ADK: variants seen among roughly 807,000 people sequenced by gnomAD.
The protein encoded by ADK is N6,N6-dimethyladenosine kinase.
A neutral mutation model predicts 44.7 loss-of-function variants in ADK; 24 were observed. The observed-to-expected ratio is 0.54, with a 90% CI of 0.39 to 0.76. The LOEUF is 0.76. Ranked by LOEUF, ADK falls within the 30% of genes least tolerant of loss-of-function variation. The pLI is 0.00. For missense variants in ADK, 321 were observed against 425.1 expected (o/e 0.76, Z 2.15); for synonymous variants, 128 against 142.6 (o/e 0.90, Z 0.73).
At chr10:74,477,898 T>G (rs1305860047) in intron 6 of ADK, among the ~76,000 whole-genome samples, 1 of 152,196 alleles carries the variant, frequency 6.6e-6, no homozygotes, top group Non-Finnish European at 1.5e-5. Context: ...TTTGCTGAGG[T>G]TTGTTCTGGT....
At chr10:74,512,739 AT>A (rs55652334) in intron 6 of ADK, among the ~76,000 whole-genome samples, 151,326 of 151,352 alleles carry the variant, frequency 1, 75,650 homozygotes, top group Middle Eastern at 1. Flanking sequence ...GATCTTTTGT[AT>A]TTTTTTTGTC....
intron 3 of ADK, among the ~76,000 whole-genome samples, chr10:74,294,436 G>A (rs150449670): frequency 0.012 from 1,808 of 152,162 alleles, 42 homozygotes; most frequent in African/African-American, 0.041. Flanking sequence ...ACAGGCACAC[G>A]CCACCATGCC....
At chr10:74,665,034 T>C (rs1402030788) in intron 9 of ADK, among the ~76,000 whole-genome samples, 2 of 152,112 alleles carry the variant, frequency 1.3e-5, no homozygotes, top group Non-Finnish European at 2.9e-5. Context: ...CACACTGAAG[T>C]ATTAAGGGGT....
At chr10:74,434,625 T>C (rs1845119786) in intron 6 of ADK, among the ~76,000 whole-genome samples, 1 of 152,204 alleles carries the variant, frequency 6.6e-6, no homozygotes, top group Non-Finnish European at 1.5e-5. Context: ...TTATAAAGGT[T>C]AAAGCAGAGG....
intron 10 of ADK, among the ~76,000 whole-genome samples, chr10:74,689,436 T>G (rs1402925138): frequency 6.6e-6 from 1 of 152,170 alleles, no homozygotes; most frequent in African/African-American, 2.4e-5. Flanking sequence ...GGCAGTAACA[T>G]ACAGGTCAGA....
At chr10:74,595,418 C>T (rs1411628673) in intron 8 of ADK, among the ~76,000 whole-genome samples, 6 of 22 alleles carry the variant, frequency 0.27, no homozygotes, top group African/African-American at 0.43. Flanking sequence ...CTTTGTCACG[C>T]CAGGCTGGAG....
intron 1 of ADK, among the ~76,000 whole-genome samples, chr10:74,185,094 A>G (rs890508343): frequency 3.3e-5 from 5 of 152,262 alleles, no homozygotes; most frequent in Admixed American, 2.0e-4. Context: ...AAGATATTAA[A>G]GAGGTGACAT....
chr10:74,460,678 A>G (rs553484592), intron 6 of ADK, among the ~76,000 whole-genome samples: 99 of 152,270 alleles, frequency 6.5e-4, no homozygotes, highest in African/African-American at 2.1e-3. Flanking sequence ...TAAATACTGC[A>G]TTTAACTGTA....
At chr10:74,656,955 A>G (rs1002892782) in intron 9 of ADK, among the ~76,000 whole-genome samples, 2 of 151,464 alleles carry the variant, frequency 1.3e-5, no homozygotes, top group African/African-American at 2.4e-5. Context: ...GAATTCCTGG[A>G]CTCAAAGGAT....
intron 7 of ADK, among the ~76,000 whole-genome samples, chr10:74,527,111 C>A (rs1160529518): frequency 3.3e-5 from 5 of 152,252 alleles, no homozygotes; most frequent in Non-Finnish European, 7.4e-5. Context: ...CCTGTGATCC[C>A]AGCACTTTGG....
chr10:74,398,397 T>G, intron 5 of ADK, 74 bp from the exon 6 acceptor site: 1 of 938,042 alleles, frequency 1.1e-6, no homozygotes, highest in Admixed American at 2.1e-5. Context: ...TTGCAAAAAA[T>G]ATTGGTAATT....
chr10:74,656,841 G>A (rs560338719), intron 9 of ADK, among the ~76,000 whole-genome samples: 36 of 152,108 alleles, frequency 2.4e-4, no homozygotes, highest in Non-Finnish European at 4.0e-4. Context: ...ACATGAGAGC[G>A]TTCTGTGTTT....
chr10:74,380,584 C>T (rs539142664), intron 4 of ADK, among the ~76,000 whole-genome samples: 1 of 151,964 alleles, frequency 6.6e-6, no homozygotes, highest in African/African-American at 2.4e-5. Flanking sequence ...TGGTAAAACC[C>T]CATCTCTACT....
chr10:74,255,992 A>G (rs540772163), intron 3 of ADK, among the ~76,000 whole-genome samples: 1 of 152,246 alleles, frequency 6.6e-6, no homozygotes, highest in South Asian at 2.1e-4. Context: ...CAGATCTGGA[A>G]TCAGTGTTGA....
chr10:74,469,123 AG>A (rs1846466182), intron 6 of ADK, among the ~76,000 whole-genome samples: 1 of 152,126 alleles, frequency 6.6e-6, no homozygotes, highest in Non-Finnish European at 1.5e-5. Flanking sequence ...GGATTGCTTG[AG>A]CCCAGGAATT....
intron 9 of ADK, among the ~76,000 whole-genome samples, chr10:74,650,668 T>C (rs1479218660): frequency 6.6e-6 from 1 of 152,184 alleles, no homozygotes; most frequent in Non-Finnish European, 1.5e-5. Flanking sequence ...TTCTTGTGCC[T>C]AGGTGTAACC....
intron 4 of ADK, among the ~76,000 whole-genome samples, chr10:74,350,482 C>T (rs565583350): frequency 6.6e-6 from 1 of 152,172 alleles, no homozygotes; most frequent in East Asian, 1.9e-4. Flanking sequence ...GAAATCAACA[C>T]CCCAACATCA....
At chr10:74,671,038 T>TACAAAAAAA (rs1855153501) in intron 10 of ADK, among the ~76,000 whole-genome samples, 1 of 99,100 alleles carries the variant, frequency 1.0e-5, no homozygotes, top group Non-Finnish European at 1.9e-5. Context: ...CAGGTTAATT[T>TACAAAAAAA]AAAAAAAAAA....
chr10:74,650,104 C>T (rs370581592), intron 9 of ADK, among the ~76,000 whole-genome samples: 1 of 152,130 alleles, frequency 6.6e-6, no homozygotes, highest in African/African-American at 2.4e-5. Flanking sequence ...TTATCAGAGG[C>T]CACTGTGGTA....
Sources: gnomAD v4.1 joint callset for allele counts (sites outside exome capture counted in the v4.1 genomes callset) on GRCh38, gnomAD v4.1.1 for gene constraint, MANE v1.5 for transcripts, NCBI Gene and HGNC (gene_info 2026-07-23, HGNC 2026-07-21) for gene names.